C1QTNF9: variants seen among roughly 807,000 people sequenced by gnomAD.
The protein encoded by C1QTNF9 is C1q and TNF related 9.
Under a neutral mutation model 10.1 loss-of-function variants are expected in C1QTNF9, and 6 were observed. The ratio of observed to expected loss-of-function variants is 0.59; its 90% CI spans 0.32 to 1.17. The LOEUF (loss-of-function observed/expected upper bound fraction) is 1.17, where lower values mean the gene tolerates loss of function less well. C1QTNF9 is among the 50% of genes most tolerant of loss of function. The pLI is 0.04. For synonymous variants in C1QTNF9, 98 were observed against 163.5 expected (o/e 0.60, Z 3.06); for missense variants, 201 against 418.8 (o/e 0.48, Z 4.54).
exon 4 of C1QTNF9, chr13:24,322,215 T>G (rs1249475657): frequency 6.4e-6 from 1 of 157,168 alleles, no homozygotes; most frequent in Non-Finnish European, 1.4e-5. Context: ...CACTGCTCAT[T>G]TTGTCTTTTA....
upstream of C1QTNF9, among the ~76,000 whole-genome samples, chr13:24,309,283 T>TTA (rs72150411): frequency 1.9e-3 from 127 of 68,286 alleles, 17 homozygotes; most frequent in African/African-American, 4.0e-3. Flanking sequence ...ACTTAAAGTA[T>TTA]TATATATATA....
intron 1 of C1QTNF9, among the ~76,000 whole-genome samples, chr13:24,310,406 C>T (rs111408206): frequency 0.025 from 3,819 of 151,292 alleles, 149 homozygotes; most frequent in African/African-American, 0.08. Flanking sequence ...CTGCCTCGGC[C>T]TCCCAAAGTG....
At chr13:24,308,627 C>T (rs1877693101), upstream of C1QTNF9, among the ~76,000 whole-genome samples, 1 of 152,220 alleles carries the variant, frequency 6.6e-6, no homozygotes, top group Admixed American at 6.5e-5. Context: ...CCGCACCCAC[C>T]CGTACACTCG....
chr13:24,313,353 C>A (rs897835574), intron 1 of C1QTNF9, among the ~76,000 whole-genome samples: 1 of 152,192 alleles, frequency 6.6e-6, no homozygotes, highest in Admixed American at 6.5e-5. Context: ...TTTATCCTAA[C>A]CTGACACCTT....
chr13:24,313,058 A>G (rs556154797), intron 1 of C1QTNF9, among the ~76,000 whole-genome samples: 2 of 152,276 alleles, frequency 1.3e-5, no homozygotes, highest in East Asian at 3.9e-4. Context: ...ACTTAAGCCT[A>G]GAAGTTCGAG....
intron 3 of C1QTNF9, among the ~76,000 whole-genome samples, chr13:24,320,107 G>A (rs558424965): frequency 6.6e-6 from 1 of 152,184 alleles, no homozygotes; most frequent in East Asian, 1.9e-4. Flanking sequence ...GCAATGCCTC[G>A]ATGCAGGCTT....
At chr13:24,321,171 T>C in exon 4 of C1QTNF9, 1 of 1,402,222 alleles carries the variant, frequency 7.1e-7, no homozygotes, top group Non-Finnish European at 9.5e-7. Flanking sequence ...CCACTGGTCC[T>C]GAGGGGCCAA....
intron 1 of C1QTNF9, among the ~76,000 whole-genome samples, chr13:24,311,340 C>T (rs1877813121): frequency 6.6e-6 from 1 of 152,188 alleles, no homozygotes; most frequent in African/African-American, 2.4e-5. Context: ...AATAAGAACA[C>T]TATTTTGGGG....
intron 1 of C1QTNF9, among the ~76,000 whole-genome samples, chr13:24,313,708 CA>C (rs959880515): frequency 5.9e-5 from 9 of 152,188 alleles, no homozygotes; most frequent in African/African-American, 2.2e-4. Context: ...TGCTGGTTTT[CA>C]AAATCTCTAG....
intron 1 of C1QTNF9, chr13:24,315,769 G>C: frequency 1.8e-6 from 1 of 556,598 alleles, no homozygotes; most frequent in South Asian, 3.1e-5. Context: ...ACCTTGAAGA[G>C]TGGTTCCAAT....
At position 24,318,989 on chromosome 13, in the gene C1QTNF9, C is replaced by G. The variant is rs1302920379; in HGVS notation, c.229+109C>G. 7 of 1,463,706 alleles carry G rather than the reference C, an allele frequency of 4.8e-6. No individual in the cohort carries two copies. In the Admixed American group the frequency reaches 7.0e-5, roughly 15 times the overall value. The allele number at this position is 1,463,706 out of a possible 1,614,324, so 90.7% of individuals were successfully genotyped here. The stretch of plus-strand genomic sequence containing the variant: ...TTATAATCTTACAATAAAGGCAACA[C>G]AGTTCTTACTCTCCAGACGGGGGGA... On this transcript the variant is annotated intron_variant, in intron 3 of 3. Transcript: ENST00000332018.
At chr13:24,310,362 A>G (rs1877768714) in intron 1 of C1QTNF9, among the ~76,000 whole-genome samples, 1 of 146,036 alleles carries the variant, frequency 6.8e-6, no homozygotes, top group Admixed American at 6.9e-5. Context: ...ACGGGGTTTC[A>G]CTGTGGTCTC....
chr13:24,318,180 C>T (rs189779032), intron 2 of C1QTNF9, among the ~76,000 whole-genome samples: 23 of 152,254 alleles, frequency 1.5e-4, no homozygotes, highest in African/African-American at 2.6e-4. Flanking sequence ...ACGGATAGCA[C>T]GCCGACCTGG....
intron 1 of C1QTNF9, among the ~76,000 whole-genome samples, chr13:24,315,035 G>A (rs1418911971): frequency 1.3e-5 from 2 of 151,952 alleles, no homozygotes; most frequent in African/African-American, 4.8e-5. Flanking sequence ...GTTTAATGTG[G>A]TAAAAAATAT....
chr13:24,311,980 C>T (rs1463426309), intron 1 of C1QTNF9, among the ~76,000 whole-genome samples: 1 of 152,192 alleles, frequency 6.6e-6, no homozygotes, highest in African/African-American at 2.4e-5. Flanking sequence ...TAATCTAGCT[C>T]ATGGTCATAC....
intron 3 of C1QTNF9, among the ~76,000 whole-genome samples, chr13:24,320,282 C>T (rs1179256110): frequency 2.6e-5 from 4 of 152,268 alleles, no homozygotes; most frequent in East Asian, 1.9e-4. Flanking sequence ...TAATTTCTAA[C>T]GTGAGCCCTG....
chr13:24,309,574 G>A (rs114959244), upstream of C1QTNF9: 8 of 152,136 alleles, frequency 5.3e-5, no homozygotes, highest in African/African-American at 1.9e-4. Flanking sequence ...TTGATTCTTG[G>A]TTTGCACAGT....
intron 3 of C1QTNF9, among the ~76,000 whole-genome samples, chr13:24,320,010 T>TG (rs900530513): frequency 1.7e-4 from 26 of 151,742 alleles, no homozygotes; most frequent in Non-Finnish European, 3.4e-4. Context: ...TTGGTATGGG[T>TG]GGGGGTGCAA....
At chr13:24,317,971 G>A (rs986058177) in intron 2 of C1QTNF9, among the ~76,000 whole-genome samples, 4 of 152,106 alleles carry the variant, frequency 2.6e-5, no homozygotes, top group East Asian at 1.9e-4. Flanking sequence ...AACAGACATC[G>A]TGACAGAAAT....
Sources: allele counts gnomAD v4.1 joint callset (sites outside exome capture counted in the v4.1 genomes callset), GRCh38; gene constraint gnomAD v4.1.1; transcripts MANE v1.5; gene names NCBI Gene and HGNC (gene_info 2026-07-23, HGNC 2026-07-21).